The following FANCC variants were observed in gnomAD, a reference collection of about 807,000 sequenced individuals.
FANCC encodes Fanconi anemia group C protein.
Under a neutral mutation model 71.3 loss-of-function variants are expected in FANCC, and 55 were observed. That is an observed-to-expected ratio of 0.77 (90% confidence interval 0.62 to 0.97). The LOEUF is 0.97. Among genes scored for constraint, FANCC ranks in the 50% least tolerant of loss-of-function variants. The probability of loss-of-function intolerance (pLI) is 0.00; values close to 1 mark genes in which losing one functional copy is unlikely to be tolerated. For synonymous variants in FANCC, 275 were observed against 244.9 expected, an observed-to-expected ratio of 1.12 and a Z score of -1.15; for missense variants, 678 against 670.9, an observed-to-expected ratio of 1.01 and a Z score of -0.12.
Position 95,111,600 on chromosome 9 carries a change from T to C in FANCC, c.1192A>G (p.Ile398Val), listed in dbSNP as rs755659975. Residue 398 changes from isoleucine to valine, a missense_variant, in exon 13 of 15, where the codon ATT becomes GTT. Transcript: ENST00000289081. ...GGPFESWFLFIHFGGWAEMVA... is the reference protein window; with the variant it reads ...GGPFESWFLFVHFGGWAEMVA... ...ATCTCAGCCCATCCTCCGAAGTGAA[T>C]GAACAGGAACCAGCTCTCAAAGGGA... 6.2e-7 allele frequency: 1 copy of C among 1,614,154 alleles called. No homozygotes were observed. Among genetic ancestry groups the C allele is most frequent in the Non-Finnish European group, 8.5e-7 (1 of 1,180,028 alleles).
rs537728068 is a variant in FANCC at position 95,246,647 on chromosome 9, C to G, written c.250+785G>C. Among the ~76,000 whole-genome samples the G allele has an allele frequency of 1.8e-3, 272 of 152,246 alleles. 3 individuals are homozygous for G. Among genetic ancestry groups the G allele is most frequent in the Non-Finnish European group, 3.8e-4 (26 of 68,016 alleles). On this transcript the variant is annotated intron_variant, in intron 3 of 14. Transcript: ENST00000289081. ...CATGCTGTCTTCCCAGGGCATCAGA[C>G]AGTGAAGTAAGTGTATTAAAGGGAG...
chr9:95,292,490 C>T, intron 1 of FANCC: 1 of 1,406,046 alleles, frequency 7.1e-7, no homozygotes, highest in Non-Finnish European at 9.2e-7. Flanking sequence ...GGCCGCGGCC[C>T]GCGGGGGTGA....
intron 4 of FANCC, among the ~76,000 whole-genome samples, chr9:95,211,864 A>C (rs372594276): frequency 6.6e-6 from 1 of 151,918 alleles, no homozygotes; most frequent in African/African-American, 2.4e-5. Flanking sequence ...ATGGTAAGAA[A>C]AAAAAAAAAA....
intron 4 of FANCC, among the ~76,000 whole-genome samples, chr9:95,182,258 C>T (rs560587928): frequency 8.6e-5 from 13 of 151,018 alleles, no homozygotes; most frequent in African/African-American, 3.2e-4. Context: ...TGGTGGCTCA[C>T]GCCTGTAATC....
At chr9:95,242,615 T>C (rs1463761646) in intron 3 of FANCC, among the ~76,000 whole-genome samples, 1 of 152,144 alleles carries the variant, frequency 6.6e-6, no homozygotes, top group Non-Finnish European at 1.5e-5. Flanking sequence ...AGGTATATTA[T>C]TTTTTATTTT....
chr9:95,107,783 CACAT>C (rs1178387941), intron 13 of FANCC, among the ~76,000 whole-genome samples: 8 of 152,170 alleles, frequency 5.3e-5, no homozygotes, highest in African/African-American at 1.7e-4. Context: ...CGGTCATACA[CACAT>C]GCATGCACAC....
intron 4 of FANCC, among the ~76,000 whole-genome samples, chr9:95,235,582 C>T (rs974206647): frequency 6.6e-6 from 1 of 152,054 alleles, no homozygotes; most frequent in Non-Finnish European, 1.5e-5. Flanking sequence ...CAGTGGCTCA[C>T]GCCTGTAATC....
At chr9:95,141,052 G>T (rs939885876) in intron 7 of FANCC, among the ~76,000 whole-genome samples, 3 of 152,170 alleles carry the variant, frequency 2.0e-5, no homozygotes, top group Non-Finnish European at 2.9e-5. Flanking sequence ...TCTCAGGCCT[G>T]TAGTCTCAGC....
chr9:95,111,078 G>C, intron 13 of FANCC: 1 of 1,509,638 alleles, frequency 6.6e-7, no homozygotes, highest in Non-Finnish European at 8.8e-7. Flanking sequence ...GAGCGAGACA[G>C]GGCCCTGGCT....
intron 6 of FANCC, among the ~76,000 whole-genome samples, chr9:95,170,246 T>C (rs1325995866): frequency 6.6e-6 from 1 of 152,184 alleles, no homozygotes; most frequent in Non-Finnish European, 1.5e-5. Context: ...TCTCCTATGG[T>C]TCTTCTTACA....
chr9:95,270,300 C>T (rs1379918340), intron 1 of FANCC, among the ~76,000 whole-genome samples: 4 of 152,110 alleles, frequency 2.6e-5, no homozygotes, highest in East Asian at 3.9e-4. Flanking sequence ...AGGGACCCGT[C>T]GCAGCGAGAG....
At chr9:95,163,681 C>G (rs748159855) in intron 6 of FANCC, among the ~76,000 whole-genome samples, 2 of 152,176 alleles carry the variant, frequency 1.3e-5, no homozygotes, top group Non-Finnish European at 2.9e-5. Context: ...GAAAGCCCAT[C>G]TCTACTAAAA....
At chr9:95,233,637 T>C (rs960181181) in intron 4 of FANCC, among the ~76,000 whole-genome samples, 2 of 151,798 alleles carry the variant, frequency 1.3e-5, no homozygotes, top group Non-Finnish European at 2.9e-5. Flanking sequence ...AAATGGAAAA[T>C]GGAGATATTA....
chr9:95,260,017 C>T (rs1007722569), intron 1 of FANCC, among the ~76,000 whole-genome samples: 10 of 152,174 alleles, frequency 6.6e-5, no homozygotes, highest in South Asian at 2.1e-4. Context: ...TTAGAATTGG[C>T]GATCATTAAA....
chr9:95,131,046 G>A (rs1275790557), intron 8 of FANCC, among the ~76,000 whole-genome samples: 1 of 151,934 alleles, frequency 6.6e-6, no homozygotes. Flanking sequence ...ATTTGAGCTC[G>A]GAAAAATTAT....
chr9:95,245,556 T>G (rs1588346602), intron 3 of FANCC, among the ~76,000 whole-genome samples: 1 of 151,634 alleles, frequency 6.6e-6, no homozygotes, highest in South Asian at 2.1e-4. Flanking sequence ...ATAGAAGTTA[T>G]GTACTACACT....
chr9:95,258,534 G>T (rs569319994), intron 1 of FANCC, among the ~76,000 whole-genome samples: 1 of 152,030 alleles, frequency 6.6e-6, no homozygotes, highest in Non-Finnish European at 1.5e-5. Flanking sequence ...TTGATGGAAC[G>T]TATCTCAAAA....
intron 1 of FANCC, among the ~76,000 whole-genome samples, chr9:95,263,533 TATAGATAG>T (rs34461769): frequency 1.2e-4 from 18 of 147,284 alleles, no homozygotes; most frequent in Non-Finnish European, 1.6e-4. Context: ...TATATATAGA[TATAGATAG>T]ATAGATAGAT....
chr9:95,292,531 G>A, intron 1 of FANCC: 2 of 1,490,184 alleles, frequency 1.3e-6, no homozygotes, highest in East Asian at 2.4e-5. Flanking sequence ...GTGCTGGCGG[G>A]GGAGCTGATC....
Sources: gnomAD v4.1 joint callset for allele counts (sites outside exome capture counted in the v4.1 genomes callset) on GRCh38, gnomAD v4.1.1 for gene constraint, MANE v1.5 for transcripts, NCBI Gene and HGNC (gene_info 2026-07-23, HGNC 2026-07-21) for gene names.